The following PPM1H variants were observed in gnomAD, a reference collection of about 807,000 sequenced individuals.
The protein encoded by PPM1H is protein phosphatase 1H.
PPM1H carries 27 observed loss-of-function variants against 54.9 expected under a neutral mutation model. The ratio of observed to expected loss-of-function variants is 0.49; its 90% CI spans 0.36 to 0.68. The LOEUF (loss-of-function observed/expected upper bound fraction) is 0.68, where lower values mean the gene tolerates loss of function less well. Among genes scored for constraint, PPM1H ranks in the 30% least tolerant of loss-of-function variants. PPM1H has a pLI of 0.00. For synonymous variants in PPM1H, 305 were observed against 270.8 expected (o/e 1.13, Z -1.24); for missense variants, 596 against 667.8 (o/e 0.89, Z 1.19).
intron 4 of PPM1H, among the ~76,000 whole-genome samples, chr12:62,749,798 T>A (rs2076431563): frequency 6.6e-6 from 1 of 152,230 alleles, no homozygotes; most frequent in African/African-American, 2.4e-5. Context: ...TTTCAGATCT[T>A]TAAGTAGCAG....
intron 2 of PPM1H, among the ~76,000 whole-genome samples, chr12:62,827,315 T>G (rs934120747): frequency 6.6e-6 from 1 of 152,200 alleles, no homozygotes; most frequent in African/African-American, 2.4e-5. Context: ...GTTGGTCATT[T>G]GCTCACCTTA....
intron 8 of PPM1H, among the ~76,000 whole-genome samples, chr12:62,673,422 T>G (rs1294221277): frequency 1.3e-5 from 2 of 152,326 alleles, no homozygotes; most frequent in South Asian, 4.1e-4. Context: ...GGAGGGCTCA[T>G]ACACCTATAA....
intron 7 of PPM1H, among the ~76,000 whole-genome samples, chr12:62,691,594 C>T (rs1234223366): frequency 2.0e-5 from 3 of 152,050 alleles, no homozygotes; most frequent in Non-Finnish European, 4.4e-5. Flanking sequence ...GAGGCCAAGG[C>T]AGGAGGATCA....
At chr12:62,916,441 T>G (rs960567138) in intron 1 of PPM1H, among the ~76,000 whole-genome samples, 5 of 152,230 alleles carry the variant, frequency 3.3e-5, no homozygotes, top group Non-Finnish European at 7.3e-5. Context: ...TAGGTAGAGA[T>G]GGTTCATCTT....
intron 8 of PPM1H, among the ~76,000 whole-genome samples, chr12:62,668,938 C>A (rs1332122279): frequency 6.6e-6 from 1 of 152,208 alleles, no homozygotes; most frequent in Non-Finnish European, 1.5e-5. Flanking sequence ...AAAATGTTTA[C>A]CCACAGGGCC....
At chr12:62,814,958 C>G (rs1440390327) in intron 2 of PPM1H, among the ~76,000 whole-genome samples, 1 of 152,224 alleles carries the variant, frequency 6.6e-6, no homozygotes, top group Non-Finnish European at 1.5e-5. Flanking sequence ...GATGATAATG[C>G]ACAGTCCAGA....
At chr12:62,798,218 G>C (rs1445390252) in intron 3 of PPM1H, among the ~76,000 whole-genome samples, 1 of 152,198 alleles carries the variant, frequency 6.6e-6, no homozygotes, top group Non-Finnish European at 1.5e-5. Flanking sequence ...AAGTGGGCCG[G>C]AGGGGAAAGA....
intron 4 of PPM1H, among the ~76,000 whole-genome samples, chr12:62,774,588 T>C (rs1293307702): frequency 2.0e-5 from 3 of 152,254 alleles, no homozygotes; most frequent in African/African-American, 7.2e-5. Flanking sequence ...ATTATTCTCC[T>C]GCTTCAGCCT....
intron 2 of PPM1H, among the ~76,000 whole-genome samples, chr12:62,826,626 A>C (rs561353308): frequency 6.6e-6 from 1 of 152,330 alleles, no homozygotes; most frequent in Non-Finnish European, 1.5e-5. Context: ...TTTTATTAAA[A>C]ATTTTAGGTT....
chr12:62,702,697 C>T (rs1354531711), intron 6 of PPM1H, among the ~76,000 whole-genome samples: 1 of 152,214 alleles, frequency 6.6e-6, no homozygotes, highest in Admixed American at 6.5e-5. Context: ...CTATTATGCT[C>T]CCTTCGGGGA....
intron 4 of PPM1H, among the ~76,000 whole-genome samples, chr12:62,771,427 C>T (rs1009212649): frequency 6.6e-6 from 1 of 151,998 alleles, no homozygotes; most frequent in Non-Finnish European, 1.5e-5. Context: ...GAGCTAATAT[C>T]TGGCAGCAAT....
chr12:62,669,477 C>T (rs2075941439), intron 8 of PPM1H, among the ~76,000 whole-genome samples: 2 of 152,092 alleles, frequency 1.3e-5, no homozygotes, highest in African/African-American at 2.4e-5. Flanking sequence ...ACAGACCGGG[C>T]CCCGAGTAGC....
intron 6 of PPM1H, among the ~76,000 whole-genome samples, chr12:62,695,826 AG>A (rs937198931): frequency 3.3e-5 from 5 of 152,068 alleles, no homozygotes; most frequent in African/African-American, 7.2e-5. Flanking sequence ...CTCAAGGGAG[AG>A]GAGGAAAATG....
intron 6 of PPM1H, among the ~76,000 whole-genome samples, chr12:62,708,241 G>A (rs2076186159): frequency 6.6e-6 from 1 of 152,192 alleles, no homozygotes; most frequent in Non-Finnish European, 1.5e-5. Context: ...CTTGTCTGAA[G>A]GTAAGAGGAC....
intron 1 of PPM1H, among the ~76,000 whole-genome samples, chr12:62,882,829 G>A (rs1241971442): frequency 2.0e-5 from 3 of 152,148 alleles, no homozygotes; most frequent in South Asian, 2.1e-4. Context: ...TTTCCAAACT[G>A]TCTCACATAT....
At chr12:62,931,443 T>C (rs1351327085) in intron 1 of PPM1H, among the ~76,000 whole-genome samples, 2 of 152,200 alleles carry the variant, frequency 1.3e-5, no homozygotes, top group Non-Finnish European at 2.9e-5. Flanking sequence ...CCTTCCCTAT[T>C]TCAGCCATTT....
intron 1 of PPM1H, among the ~76,000 whole-genome samples, chr12:62,868,512 G>C (rs1003461110): frequency 6.6e-6 from 1 of 152,134 alleles, no homozygotes; most frequent in African/African-American, 2.4e-5. Context: ...AACAAGGACG[G>C]CATCCACTGA....
intron 3 of PPM1H, among the ~76,000 whole-genome samples, chr12:62,794,408 G>A (rs1227759271): frequency 6.6e-6 from 1 of 152,028 alleles, no homozygotes; most frequent in Admixed American, 6.6e-5. Flanking sequence ...GTATTTATAA[G>A]GTTTTTATCA....
chr12:62,709,072 T>G (rs2076192136), intron 6 of PPM1H, among the ~76,000 whole-genome samples: 1 of 152,164 alleles, frequency 6.6e-6, no homozygotes, highest in African/African-American at 2.4e-5. Context: ...CCAATGTAAT[T>G]ACCTAGTTTC....
Sources: gnomAD v4.1 joint callset for allele counts (sites outside exome capture counted in the v4.1 genomes callset) on GRCh38, gnomAD v4.1.1 for gene constraint, MANE v1.5 for transcripts, NCBI Gene and HGNC (gene_info 2026-07-23, HGNC 2026-07-21) for gene names.